Variants in ADAMTS12 observed in about 807,000 individuals in gnomAD.
The protein encoded by ADAMTS12 is A disintegrin and metalloproteinase with thrombospondin motifs 12.
Under a neutral mutation model 167.8 loss-of-function variants are expected in ADAMTS12, and 118 were observed. The observed-to-expected ratio is 0.70, with a 90% confidence interval of 0.61 to 0.82. The LOEUF (loss-of-function observed/expected upper bound fraction) is 0.82. ADAMTS12 is among the 40% of genes least tolerant of loss of function. The probability of loss-of-function intolerance (pLI) is 0.00; values close to 1 mark genes in which losing one functional copy is unlikely to be tolerated. For missense variants in ADAMTS12, 1,916 were observed against 1,998.8 expected (o/e 0.96, Z 0.79); for synonymous variants, 704 against 716.9 (o/e 0.98, Z 0.29).
At chr5:33,711,687 G>A (rs1743408953) in intron 3 of ADAMTS12, among the ~76,000 whole-genome samples, 1 of 152,122 alleles carries the variant, frequency 6.6e-6, no homozygotes, top group Non-Finnish European at 1.5e-5. Context: ...TTCCCTCATC[G>A]CTCTTCCAAT....
intron 3 of ADAMTS12, among the ~76,000 whole-genome samples, chr5:33,747,250 G>A (rs1744822024): frequency 6.6e-6 from 1 of 152,140 alleles, no homozygotes; most frequent in African/African-American, 2.4e-5. Context: ...TCTGGGTCCA[G>A]GGGAGACAAC....
At chr5:33,832,209 T>A (rs1181878479) in intron 2 of ADAMTS12, among the ~76,000 whole-genome samples, 1 of 152,174 alleles carries the variant, frequency 6.6e-6, no homozygotes, top group Non-Finnish European at 1.5e-5. Context: ...AAGTTGGTGA[T>A]TGAAATAATT....
chr5:33,731,390 C>T (rs116073096), intron 3 of ADAMTS12, among the ~76,000 whole-genome samples: 1,569 of 152,184 alleles, frequency 0.01, 24 homozygotes, highest in African/African-American at 0.034. Context: ...GTGTTGAAGA[C>T]GACAGCCATG....
chr5:33,601,842 G>A (rs974717496), intron 16 of ADAMTS12, among the ~76,000 whole-genome samples: 6 of 152,050 alleles, frequency 3.9e-5, no homozygotes, highest in African/African-American at 1.4e-4. Flanking sequence ...TCATGATTAC[G>A]GGTAACATAA....
intron 2 of ADAMTS12, among the ~76,000 whole-genome samples, chr5:33,873,632 G>C (rs1455110805): frequency 1.3e-5 from 2 of 152,086 alleles, no homozygotes; most frequent in Non-Finnish European, 2.9e-5. Flanking sequence ...GAGAAGTGGA[G>C]AACTGACACT....
chr5:33,616,163 G>C, intron 14 of ADAMTS12, 91 bp from the exon 15 acceptor site: 1 of 1,512,988 alleles, frequency 6.6e-7, no homozygotes, highest in Non-Finnish European at 8.8e-7. Context: ...CCTCTTTCCA[G>C]CCTCCCCATC....
intron 19 of ADAMTS12, among the ~76,000 whole-genome samples, chr5:33,573,504 C>T (rs1388243100): frequency 2.0e-5 from 3 of 152,128 alleles, no homozygotes; most frequent in Non-Finnish European, 4.4e-5. Flanking sequence ...GAAAGGATTC[C>T]CTATTTAATA....
intron 18 of ADAMTS12, 71 bp from the exon 19 acceptor site, chr5:33,577,231 G>A: frequency 6.2e-7 from 1 of 1,601,472 alleles, no homozygotes; most frequent in Non-Finnish European, 8.5e-7. Flanking sequence ...GTCTATAACA[G>A]ATCAAAACAG....
intron 3 of ADAMTS12, among the ~76,000 whole-genome samples, chr5:33,732,585 C>T (rs769852707): frequency 2.0e-4 from 31 of 152,218 alleles, no homozygotes; most frequent in South Asian, 1.0e-3. Context: ...TAGGGCACTC[C>T]TGATATAGCA....
intron 2 of ADAMTS12, among the ~76,000 whole-genome samples, chr5:33,837,021 T>G (rs1179852980): frequency 6.6e-6 from 1 of 152,166 alleles, no homozygotes; most frequent in Non-Finnish European, 1.5e-5. Flanking sequence ...ATTGCTGGGA[T>G]TACAGGCTTG....
Position 33,526,998 on chromosome 5 carries a change from G to T in ADAMTS12, c.*190C>A, listed in dbSNP as rs1010003815. 4.5e-6 allele frequency: 3 copies of T among 660,012 alleles called. No homozygotes were observed. The highest frequency in any genetic ancestry group is 2.8e-5 in the East Asian group (1 of 36,242). 40.9% of individuals were successfully genotyped at this position (660,012 alleles called of 1,614,324 possible). A position where few individuals can be genotyped will look rare whatever the true frequency, so the allele number is the denominator to read the frequency against. On this transcript the variant is annotated 3_prime_UTR_variant, in exon 24 of 24. Transcript: ENST00000504830. ...TCACCTTCCTATCAGGGAGCAGCAA[G>T]TACGGCAGCCTAGGCCTCCTGTGAG... is the stretch of plus-strand genomic sequence containing the variant.
At chr5:33,839,285 C>G (rs1331786066) in intron 2 of ADAMTS12, among the ~76,000 whole-genome samples, 1 of 152,176 alleles carries the variant, frequency 6.6e-6, no homozygotes, top group Non-Finnish European at 1.5e-5. Flanking sequence ...GCAATATAAG[C>G]TGTGTGTGCT....
At chr5:33,551,344 G>C (rs146154988) in intron 20 of ADAMTS12, among the ~76,000 whole-genome samples, 1 of 152,300 alleles carries the variant, frequency 6.6e-6, no homozygotes, top group East Asian at 1.9e-4. Flanking sequence ...AGTGTGTTTA[G>C]ATTATCAGAA....
intron 2 of ADAMTS12, among the ~76,000 whole-genome samples, chr5:33,803,895 G>A (rs1747116081): frequency 6.6e-6 from 1 of 152,076 alleles, no homozygotes. Context: ...ACGAAACATG[G>A]GATTATTACA....
chr5:33,666,003 G>A (rs371805827), intron 5 of ADAMTS12, among the ~76,000 whole-genome samples: 4 of 152,286 alleles, frequency 2.6e-5, no homozygotes, highest in African/African-American at 7.2e-5. Flanking sequence ...TACATAGGGC[G>A]TATCCCAAGT....
chr5:33,549,564 C>T (rs914175471), intron 20 of ADAMTS12, among the ~76,000 whole-genome samples, 181 bp from the exon 21 acceptor site: 4 of 152,236 alleles, frequency 2.6e-5, no homozygotes, highest in African/African-American at 9.6e-5. Flanking sequence ...CTCCCGATGT[C>T]GGGAAACACA....
At chr5:33,827,347 T>C (rs2112512602) in intron 2 of ADAMTS12, among the ~76,000 whole-genome samples, 1 of 151,986 alleles carries the variant, frequency 6.6e-6, no homozygotes, top group East Asian at 1.9e-4. Context: ...AACAGGGGCT[T>C]CAGTCCTACA....
At chr5:33,807,269 A>T (rs1007343010) in intron 2 of ADAMTS12, among the ~76,000 whole-genome samples, 8 of 152,192 alleles carry the variant, frequency 5.3e-5, no homozygotes, top group African/African-American at 1.9e-4. Context: ...AAAGGAAGTG[A>T]CTCAGCCATG....
rs1408332384 is a variant in ADAMTS12 at position 33,641,965 on chromosome 5, G to C, written c.1573-10C>G. 4 of 1,605,846 alleles carry C rather than the reference G, an allele frequency of 2.5e-6. No homozygotes were observed. The African/African-American group carries it at 4.0e-5, about 16-fold the overall frequency. On this transcript the variant is annotated splice_polypyrimidine_tract_variant and intron_variant, in intron 10 of 23. Transcript: ENST00000504830. ...TGCCTGCCATACACCACTGGAAAGGGAAGAGGCAGGAGATGGCCGTATCAG... is the reference window on the plus strand; with the variant it reads ...TGCCTGCCATACACCACTGGAAAGGCAAGAGGCAGGAGATGGCCGTATCAG...
Sources: allele counts gnomAD v4.1 joint callset (sites outside exome capture counted in the v4.1 genomes callset), GRCh38; gene constraint gnomAD v4.1.1; transcripts MANE v1.5; gene names NCBI Gene and HGNC (gene_info 2026-07-23, HGNC 2026-07-21).